The following SOX5 variants were observed in gnomAD, a reference collection of about 807,000 sequenced individuals.
SOX5 encodes transcription factor SOX-5.
SOX5 carries 9 observed loss-of-function variants against 92.0 expected under a neutral mutation model. The observed-to-expected ratio is 0.10, with a 90% CI of 0.06 to 0.17. The LOEUF (loss-of-function observed/expected upper bound fraction) is 0.17, where lower values mean the gene tolerates loss of function less well. Among genes scored for constraint, SOX5 ranks in the 10% least tolerant of loss-of-function variants. The probability of loss-of-function intolerance (pLI) is 1.00; values close to 1 mark genes in which losing one functional copy is unlikely to be tolerated. For synonymous variants in SOX5, 344 were observed against 336.3 expected (o/e 1.02, Z -0.25); for missense variants, 642 against 944.5 (o/e 0.68, Z 4.20).
At chr12:24,335,797 G>A (rs1411532526) in intron 2 of SOX5, among the ~76,000 whole-genome samples, 1 of 151,210 alleles carries the variant, frequency 6.6e-6, no homozygotes, top group Non-Finnish European at 1.5e-5. Context: ...ATTTATCACT[G>A]TTCTTAAGCT....
At position 23,611,660 on chromosome 12, in the gene SOX5, G is replaced by T. The variant is rs557776879; in HGVS notation, c.1018-7127C>A. On this transcript the variant is annotated intron_variant, in intron 8 of 14. Coordinates refer to ENST00000451604, the MANE Select transcript of SOX5 (RefSeq NM_006940.6). Reference sequence around the variant, plus strand: ...GGATAAAGGCACAGGAGACAGAGATGATGCCATATACAGTCACTTACCCAG... The same window carrying T: ...GGATAAAGGCACAGGAGACAGAGATTATGCCATATACAGTCACTTACCCAG... 3.9e-5 allele frequency among the ~76,000 whole-genome samples: 6 copies of T among 152,194 alleles called. No individual in the cohort carries two copies. In the South Asian group the frequency reaches 8.3e-4, roughly 21 times the overall value.
chr12:23,636,509 CA>C (rs1417009538), intron 8 of SOX5, among the ~76,000 whole-genome samples: 2 of 152,032 alleles, frequency 1.3e-5, no homozygotes, highest in Non-Finnish European at 2.9e-5. Flanking sequence ...CAATTATATG[CA>C]AAAGGTTATT....
intron 4 of SOX5, among the ~76,000 whole-genome samples, chr12:24,173,382 A>C (rs1407373514): frequency 6.6e-6 from 1 of 152,034 alleles, no homozygotes; most frequent in Non-Finnish European, 1.5e-5. Flanking sequence ...ATAAACTAAA[A>C]GGTCTGTTTT....
At chr12:23,782,365 G>C (rs932973094) in intron 3 of SOX5, among the ~76,000 whole-genome samples, 1 of 152,104 alleles carries the variant, frequency 6.6e-6, no homozygotes, top group Admixed American at 6.5e-5. Context: ...TAAATCTCAG[G>C]ATCAAGACAT....
chr12:23,926,237 G>A (rs1218902138), intron 1 of SOX5, among the ~76,000 whole-genome samples: 1 of 152,082 alleles, frequency 6.6e-6, no homozygotes, highest in Non-Finnish European at 1.5e-5. Flanking sequence ...CTAAGAAGAT[G>A]CACTGTAAGA....
chr12:24,308,633 A>G (rs926954440), intron 2 of SOX5, among the ~76,000 whole-genome samples: 1 of 152,224 alleles, frequency 6.6e-6, no homozygotes, highest in Non-Finnish European at 1.5e-5. Context: ...TATTCACAAC[A>G]TCTAGCACAT....
At chr12:23,652,995 TGA>T (rs1340596502) in intron 7 of SOX5, among the ~76,000 whole-genome samples, 8 of 129,504 alleles carry the variant, frequency 6.2e-5, no homozygotes, top group African/African-American at 2.4e-4. Context: ...GATGGATGAA[TGA>T]ATATGGATGG....
At chr12:24,332,870 A>G (rs2140998787) in intron 2 of SOX5, among the ~76,000 whole-genome samples, 1 of 152,276 alleles carries the variant, frequency 6.6e-6, no homozygotes, top group East Asian at 1.9e-4. Context: ...TATAGTAACC[A>G]TACAGAAAAT....
intron 4 of SOX5, among the ~76,000 whole-genome samples, chr12:23,983,428 G>A (rs182737794): frequency 5.3e-5 from 8 of 152,236 alleles, no homozygotes; most frequent in Non-Finnish European, 7.4e-5. Context: ...TCATGGGGTC[G>A]GAAGACTGGC....
intron 4 of SOX5, among the ~76,000 whole-genome samples, chr12:24,145,071 G>C (rs1409278939): frequency 6.6e-6 from 1 of 151,834 alleles, no homozygotes; most frequent in East Asian, 1.9e-4. Flanking sequence ...TCCACCCTGT[G>C]AAACAGAGTG....
At chr12:24,427,113 G>A (rs529033250) in intron 1 of SOX5, among the ~76,000 whole-genome samples, 51 of 152,250 alleles carry the variant, frequency 3.3e-4, no homozygotes, top group Non-Finnish European at 7.1e-4. Flanking sequence ...ACCTATTAGC[G>A]ATATACCTGA....
At chr12:24,497,924 T>C (rs1399441886) in intron 1 of SOX5, among the ~76,000 whole-genome samples, 1 of 152,130 alleles carries the variant, frequency 6.6e-6, no homozygotes, top group Non-Finnish European at 1.5e-5. Flanking sequence ...TGGAGGCCAT[T>C]ATCTTCAGCA....
chr12:23,990,772 G>A (rs1037429582), intron 4 of SOX5, among the ~76,000 whole-genome samples: 2 of 151,990 alleles, frequency 1.3e-5, no homozygotes, highest in Non-Finnish European at 2.9e-5. Flanking sequence ...GCTCAACACT[G>A]TTAAGCACCT....
chr12:24,318,283 G>C (rs540267760), intron 2 of SOX5, among the ~76,000 whole-genome samples: 1 of 152,294 alleles, frequency 6.6e-6, no homozygotes, highest in Admixed American at 6.5e-5. Context: ...ATGCAGTCAA[G>C]TTTCAAGGAT....
At chr12:24,191,420 C>T (rs908098986) in intron 4 of SOX5, among the ~76,000 whole-genome samples, 1 of 152,170 alleles carries the variant, frequency 6.6e-6, no homozygotes, top group African/African-American at 2.4e-5. Context: ...TGTGCCAAGG[C>T]TTCCTGCTGC....
chr12:23,801,125 T>C (rs2095652801), intron 3 of SOX5, among the ~76,000 whole-genome samples: 1 of 152,192 alleles, frequency 6.6e-6, no homozygotes, highest in Non-Finnish European at 1.5e-5. Context: ...GTCTGTCCCT[T>C]GGCTCCTAAG....
At chr12:24,509,585 T>C (rs1243408501) in intron 1 of SOX5, among the ~76,000 whole-genome samples, 1 of 152,112 alleles carries the variant, frequency 6.6e-6, no homozygotes, top group Non-Finnish European at 1.5e-5. Flanking sequence ...TTAATAGCAA[T>C]AGCCAAAATG....
intron 4 of SOX5, among the ~76,000 whole-genome samples, chr12:24,175,020 C>A (rs1341940764): frequency 6.6e-6 from 1 of 152,208 alleles, no homozygotes; most frequent in East Asian, 1.9e-4. Context: ...TGAGGCATCC[C>A]TTCACAGGGC....
intron 4 of SOX5, among the ~76,000 whole-genome samples, chr12:23,964,407 C>G (rs10771044): frequency 0.47 from 71,967 of 151,720 alleles, 17,810 homozygotes; most frequent in African/African-American, 0.58. Context: ...ATTCCTGGGA[C>G]AAAAAAATAC....
Sources: allele counts gnomAD v4.1 joint callset (sites outside exome capture counted in the v4.1 genomes callset), GRCh38; gene constraint gnomAD v4.1.1; transcripts MANE v1.5; gene names NCBI Gene and HGNC (gene_info 2026-07-23, HGNC 2026-07-21).